Variants in RTCB observed in about 807,000 individuals in gnomAD.
The protein encoded by RTCB is RNA-splicing ligase RTCB.
A neutral mutation model predicts 58.2 loss-of-function variants in RTCB; 32 were observed. The ratio of observed to expected loss-of-function variants is 0.55; its 90% CI spans 0.41 to 0.74. The LOEUF (loss-of-function observed/expected upper bound fraction) is 0.74. Among genes scored for constraint, RTCB ranks in the 30% least tolerant of loss-of-function variants. RTCB has a pLI of 0.00. For synonymous variants in RTCB, 247 were observed against 218.6 expected, an observed-to-expected ratio of 1.13 and a Z score of -1.15; for missense variants, 523 against 639.0, an observed-to-expected ratio of 0.82 and a Z score of 1.96.
intron 9 of RTCB, 149 bp from the exon 10 acceptor site, chr22:32,394,151 G>T: frequency 1.8e-6 from 1 of 546,944 alleles, no homozygotes; most frequent in Non-Finnish European, 3.2e-6. Context: ...TTGCTCTGTC[G>T]CCCAGGCTGG....
Position 32,395,981 on chromosome 22 carries a change from T to C in RTCB, c.990+93A>G, listed in dbSNP as rs1933239367. The C allele has an allele frequency of 2.8e-5, 37 of 1,304,064 alleles. No homozygotes were observed. In the South Asian group the frequency reaches 4.4e-4, roughly 15 times the overall value. 80.8% of individuals were successfully genotyped at this position (1,304,064 alleles called of 1,614,324 possible). A position where few individuals can be genotyped will look rare whatever the true frequency, so the allele number is the denominator to read the frequency against. On this transcript the variant is annotated intron_variant, in intron 8 of 11. Transcript: ENST00000216038. Reference sequence around the variant, plus strand: ...TCCCAAAGTGTTGGGATTACAGGCATGAGCCACCGTGTCCAGCCTGGACTG... The same window carrying C: ...TCCCAAAGTGTTGGGATTACAGGCACGAGCCACCGTGTCCAGCCTGGACTG...
At chr22:32,402,081 T>C (rs957158983) in intron 4 of RTCB, among the ~76,000 whole-genome samples, 178 bp from the exon 5 acceptor site, 2 of 152,166 alleles carry the variant, frequency 1.3e-5, no homozygotes, top group Non-Finnish European at 2.9e-5. Context: ...TAATCTAAAG[T>C]AACATACACA....
intron 1 of RTCB, among the ~76,000 whole-genome samples, chr22:32,411,685 C>G (rs922276711): frequency 6.6e-6 from 1 of 152,172 alleles, no homozygotes; most frequent in African/African-American, 2.4e-5. Flanking sequence ...GAATTCCAGT[C>G]CCAGCAAATG....
chr22:32,392,145 T>TGAGAAA (rs1933163228), intron 11 of RTCB, 95 bp downstream of exon 11: 3 of 1,319,184 alleles, frequency 2.3e-6, no homozygotes, highest in Non-Finnish European at 3.1e-6. Context: ...AAACAATTTC[T>TGAGAAA]GTTAGTAACA....
chr22:32,393,181 C>T (rs1933184684), intron 10 of RTCB, among the ~76,000 whole-genome samples: 1 of 152,208 alleles, frequency 6.6e-6, no homozygotes, highest in African/African-American at 2.4e-5. Context: ...AGTGCTCCTC[C>T]TGCCCTGGCC....
rs1325683285 is a variant in RTCB at position 32,408,257 on chromosome 22, T to A, written c.173-15A>T. The A allele has an allele frequency of 1.4e-5, 23 of 1,611,646 alleles. No individual in the cohort carries two copies. Among genetic ancestry groups the A allele is most frequent in the Non-Finnish European group, 1.8e-5 (21 of 1,177,968 alleles). On this transcript the variant is annotated splice_polypyrimidine_tract_variant and intron_variant, in intron 2 of 11. Coordinates refer to ENST00000216038, the MANE Select transcript of RTCB (RefSeq NM_014306.5). ...GCCACCAACACCTGAAGACAAAAATTGGGTATTAGAAAAGACAACACACTT... is the reference window on the plus strand; with the variant it reads ...GCCACCAACACCTGAAGACAAAAATAGGGTATTAGAAAAGACAACACACTT...
intron 5 of RTCB, chr22:32,400,083 TAAAC>T (rs1464289010): frequency 5.1e-6 from 1 of 196,256 alleles, no homozygotes; most frequent in African/African-American, 2.3e-5. Context: ...AGGTAGTGAT[TAAAC>T]AGACAAAAAC....
chr22:32,397,911 G>T, intron 7 of RTCB, 30 bp downstream of exon 7: 1 of 1,575,114 alleles, frequency 6.3e-7, no homozygotes, highest in South Asian at 1.2e-5. Context: ...CCCATAAAAT[G>T]TACATTTTAG....
chr22:32,397,141 C>G (rs1340041130), intron 7 of RTCB, among the ~76,000 whole-genome samples: 1 of 151,676 alleles, frequency 6.6e-6, no homozygotes, highest in Non-Finnish European at 1.5e-5. Flanking sequence ...AAGCCCCTGA[C>G]TCCTTCTTTA....
intron 7 of RTCB, among the ~76,000 whole-genome samples, chr22:32,396,776 T>G (rs926567122): frequency 1.3e-5 from 2 of 152,224 alleles, no homozygotes; most frequent in East Asian, 3.8e-4. Context: ...CATGGAATTT[T>G]AAGCTTATAA....
chr22:32,397,875 T>G (rs1439257360), intron 7 of RTCB, 66 bp downstream of exon 7: 1 of 1,494,114 alleles, frequency 6.7e-7, no homozygotes, highest in Non-Finnish European at 9.1e-7. Context: ...TTTCAGAGTT[T>G]TCGCTCTTAA....
At chr22:32,399,830 T>G in intron 5 of RTCB, 71 bp from the exon 6 acceptor site, 1 of 1,404,240 alleles carries the variant, frequency 7.1e-7, no homozygotes, top group African/African-American at 1.4e-5. Flanking sequence ...GACCACATCC[T>G]TAAAGGGCAG....
At chr22:32,392,156 C>A in intron 11 of RTCB, 84 bp downstream of exon 11, 2 of 1,401,454 alleles carry the variant, frequency 1.4e-6, no homozygotes, top group Non-Finnish European at 9.6e-7. Context: ...GTTAGTAACA[C>A]CCTAAATTGC....
intron 9 of RTCB, 97 bp from the exon 10 acceptor site, chr22:32,394,099 G>A: frequency 1.3e-6 from 1 of 762,526 alleles, no homozygotes; most frequent in Non-Finnish European, 2.2e-6. Flanking sequence ...AGGATTGTAG[G>A]AGAAACCCAG....
At chr22:32,399,874 C>T (rs1054179314) in intron 5 of RTCB, 115 bp from the exon 6 acceptor site, 2 of 975,086 alleles carry the variant, frequency 2.1e-6, no homozygotes, top group Admixed American at 4.9e-5. Context: ...TCCTGTGTTC[C>T]AAGCCTTGAG....
At chr22:32,399,812 C>T in intron 5 of RTCB, 53 bp from the exon 6 acceptor site, 1 of 1,520,842 alleles carries the variant, frequency 6.6e-7, no homozygotes, top group Non-Finnish European at 8.9e-7. Flanking sequence ...AGATCAAAAC[C>T]TAAGGATGAC....
chr22:32,392,975 C>T (rs1020435282), intron 10 of RTCB, among the ~76,000 whole-genome samples: 5 of 152,208 alleles, frequency 3.3e-5, no homozygotes, highest in African/African-American at 9.6e-5. Flanking sequence ...CTCCCTCTGT[C>T]ACCCAGACTG....
At chr22:32,399,541 T>C (rs1386785620) in intron 6 of RTCB, 62 bp downstream of exon 6, 5 of 1,458,726 alleles carry the variant, frequency 3.4e-6, no homozygotes, top group Non-Finnish European at 4.7e-6. Context: ...TAGATTTTTT[T>C]CCCCCAATAA....
At chr22:32,396,300 C>T (rs767557783) in intron 7 of RTCB, 51 bp from the exon 8 acceptor site, 2 of 1,577,560 alleles carry the variant, frequency 1.3e-6, no homozygotes, top group Non-Finnish European at 1.7e-6. Context: ...CTTAAATGAA[C>T]AGTTCAGATT....
Sources: gnomAD v4.1 joint callset for allele counts (sites outside exome capture counted in the v4.1 genomes callset) on GRCh38, gnomAD v4.1.1 for gene constraint, MANE v1.5 for transcripts, NCBI Gene and HGNC (gene_info 2026-07-23, HGNC 2026-07-21) for gene names.